The following PRKG1 variants were observed in gnomAD, a reference collection of about 807,000 sequenced individuals.
PRKG1 encodes the protein cGMP-dependent protein kinase 1.
A neutral mutation model predicts 88.1 loss-of-function variants in PRKG1; 35 were observed. The observed-to-expected ratio is 0.40, with a 90% CI of 0.30 to 0.53. The LOEUF (loss-of-function observed/expected upper bound fraction) is 0.53, where lower values mean the gene tolerates loss of function less well. Among genes scored for constraint, PRKG1 ranks in the 20% least tolerant of loss-of-function variants. The pLI is 0.59. For synonymous variants in PRKG1, 303 were observed against 292.5 expected (o/e 1.04, Z -0.37); for missense variants, 540 against 839.8 (o/e 0.64, Z 4.41).
intron 3 of PRKG1, among the ~76,000 whole-genome samples, chr10:51,580,031 G>T (rs1487919547): frequency 6.6e-6 from 1 of 151,888 alleles, no homozygotes; most frequent in Non-Finnish European, 1.5e-5. Flanking sequence ...TTCTCCAGTT[G>T]GTCTGCATCT....
intron 2 of PRKG1, among the ~76,000 whole-genome samples, chr10:51,462,750 C>T (rs1255499306): frequency 6.6e-6 from 1 of 152,130 alleles, no homozygotes; most frequent in African/African-American, 2.4e-5. Context: ...ATAAATAACC[C>T]TTTAAACGTC....
At chr10:51,629,361 A>G (rs1439346184) in intron 3 of PRKG1, among the ~76,000 whole-genome samples, 1 of 151,942 alleles carries the variant, frequency 6.6e-6, no homozygotes, top group Non-Finnish European at 1.5e-5. Context: ...TTATATTATT[A>G]CATTGTAATA....
intron 12 of PRKG1, among the ~76,000 whole-genome samples, chr10:52,277,983 C>G (rs1841914220): frequency 6.6e-6 from 1 of 152,104 alleles, no homozygotes; most frequent in Non-Finnish European, 1.5e-5. Flanking sequence ...AAGGCCCACT[C>G]AAATCACAAT....
chr10:51,940,749 C>T (rs1308962091), intron 5 of PRKG1, among the ~76,000 whole-genome samples: 2 of 151,934 alleles, frequency 1.3e-5, no homozygotes, highest in Non-Finnish European at 2.9e-5. Flanking sequence ...TATTACTTCC[C>T]TTAACTTTCG....
At chr10:51,109,253 A>G (rs576504394) in intron 1 of PRKG1, among the ~76,000 whole-genome samples, 1 of 152,250 alleles carries the variant, frequency 6.6e-6, no homozygotes, top group South Asian at 2.1e-4. Flanking sequence ...ATGGAAATGC[A>G]AAGGACTTCA....
At chr10:51,103,072 A>G (rs1844725690) in intron 1 of PRKG1, among the ~76,000 whole-genome samples, 1 of 152,172 alleles carries the variant, frequency 6.6e-6, no homozygotes. Flanking sequence ...GAAAAACTCA[A>G]TTAAGATATG....
rs149636458 is a variant in PRKG1, at chr10:51,489,273, G to A, written c.592+21437G>A. 2.5e-3 allele frequency among the ~76,000 whole-genome samples: 382 copies of A among 152,246 alleles called. 2 individuals are homozygous for A. Among genetic ancestry groups the A allele is most frequent in the African/African-American group, 8.6e-3 (359 of 41,544 alleles). ...GAAGGTGGGAAATGATTAATCTGTA[G>A]GCAGACGGGACAGGCATGCCAGGTA... On this transcript the variant is annotated intron_variant, in intron 3 of 17. Transcript: ENST00000373980.
intron 3 of PRKG1, among the ~76,000 whole-genome samples, chr10:51,658,047 A>G (rs1840204977): frequency 1.3e-5 from 2 of 152,308 alleles, no homozygotes; most frequent in South Asian, 4.1e-4. Context: ...AGCTGGTTAT[A>G]AGACCAGGCT....
At chr10:52,215,362 C>T (rs1388821563) in intron 9 of PRKG1, among the ~76,000 whole-genome samples, 2 of 150,064 alleles carry the variant, frequency 1.3e-5, no homozygotes, top group South Asian at 2.1e-4. Flanking sequence ...CCATTGCACT[C>T]CAGCCTGGGC....
intron 7 of PRKG1, among the ~76,000 whole-genome samples, chr10:52,104,996 A>C (rs1253081199): frequency 2.6e-5 from 4 of 152,220 alleles, no homozygotes; most frequent in African/African-American, 9.6e-5. Context: ...GATCTGTATT[A>C]ATTGTAGTTT....
intron 5 of PRKG1, among the ~76,000 whole-genome samples, chr10:51,947,133 G>T (rs1161321548): frequency 6.6e-6 from 1 of 152,064 alleles, no homozygotes; most frequent in Non-Finnish European, 1.5e-5. Flanking sequence ...GAGCTTCCCA[G>T]CTGCTTTGTT....
chr10:51,756,630 A>G (rs1837872260), intron 3 of PRKG1, among the ~76,000 whole-genome samples: 1 of 152,060 alleles, frequency 6.6e-6, no homozygotes. Context: ...CCTGGCTAAC[A>G]CGGTGAAACC....
intron 9 of PRKG1, among the ~76,000 whole-genome samples, chr10:52,207,244 G>A (rs1699310): frequency 6.6e-6 from 1 of 152,118 alleles, no homozygotes; most frequent in Non-Finnish European, 1.5e-5. Context: ...AGCAGGAGCG[G>A]GAGGATGCTG....
chr10:51,172,671 T>C (rs748913190), intron 2 of PRKG1, among the ~76,000 whole-genome samples: 50 of 59,812 alleles, frequency 8.4e-4, no homozygotes, highest in Admixed American at 1.3e-3. Context: ...TATCTATCTA[T>C]CTATCTATCT....
At chr10:51,779,250 T>A (rs970340745) in intron 3 of PRKG1, among the ~76,000 whole-genome samples, 5 of 152,154 alleles carry the variant, frequency 3.3e-5, no homozygotes, top group African/African-American at 1.2e-4. Context: ...ATTTGAAACT[T>A]TATGACAACC....
At position 52,251,676 on chromosome 10, in the gene PRKG1, T is replaced by C. The variant is rs780532362; in HGVS notation, c.1173+10T>C. ...CGGACGAGTAGAACTGGTAGGTGAT[T>C]GTTCTTTAAATGCTTTTGATCGCCT... On this transcript the variant is annotated intron_variant, in intron 10 of 17. Coordinates refer to ENST00000373980, the MANE Select transcript of PRKG1 (RefSeq NM_006258.4). 1.2e-6 allele frequency: 2 copies of C among 1,602,612 alleles called. No homozygotes were observed. Among genetic ancestry groups the C allele is most frequent in the Non-Finnish European group, 1.7e-6 (2 of 1,170,000 alleles).
chr10:51,785,129 T>C (rs1193304959), intron 3 of PRKG1, among the ~76,000 whole-genome samples: 1 of 151,590 alleles, frequency 6.6e-6, no homozygotes, highest in Non-Finnish European at 1.5e-5. Context: ...TTCTTCTTTT[T>C]TTTTTTTTTA....
intron 7 of PRKG1, chr10:52,128,583 T>G (rs1428656846): frequency 2.4e-5 from 24 of 984,734 alleles, no homozygotes; most frequent in Non-Finnish European, 2.4e-5. Flanking sequence ...TTTTGGGATA[T>G]TTTTCATGCT....
At chr10:52,152,741 G>T (rs1471508511) in intron 8 of PRKG1, among the ~76,000 whole-genome samples, 1 of 152,168 alleles carries the variant, frequency 6.6e-6, no homozygotes, top group East Asian at 1.9e-4. Flanking sequence ...AAAGGAAAAG[G>T]CAGTTACAGA....
Sources: allele counts gnomAD v4.1 joint callset (sites outside exome capture counted in the v4.1 genomes callset), GRCh38; gene constraint gnomAD v4.1.1; transcripts MANE v1.5; gene names NCBI Gene and HGNC (gene_info 2026-07-23, HGNC 2026-07-21).